The following ARID1B variants were observed in gnomAD, a reference collection of about 807,000 sequenced individuals.
ARID1B encodes the protein AT-rich interaction domain 1B.
A neutral mutation model predicts 212.3 loss-of-function variants in ARID1B; 30 were observed. That is an observed-to-expected ratio of 0.14 (90% CI 0.11 to 0.19). The LOEUF (loss-of-function observed/expected upper bound fraction) is 0.19, where lower values mean the gene tolerates loss of function less well. Among genes scored for constraint, ARID1B ranks in the 10% least tolerant of loss-of-function variants. The pLI is 1.00. For missense variants in ARID1B, 2,891 were observed against 3,204.0 expected (o/e 0.90, Z 2.36); for synonymous variants, 1,402 against 1,301.7 (o/e 1.08, Z -1.66).
chr6:157,175,950 G>A (rs894609530), intron 11 of ARID1B: 11 of 152,074 alleles, frequency 7.2e-5, no homozygotes, highest in Admixed American at 1.3e-4. Context: ...TGACGAGCAC[G>A]GCTCAGGAAG....
chr6:157,200,759 G>C lies in ARID1B; in HGVS notation c.4534G>C (p.Gly1512Arg). The change falls in exon 18 of 20, where the codon GGC (glycine) becomes CGC (arginine). Residue 1512 changes from glycine to arginine, a missense_variant. Around this residue, in one of 7 missense-constraint regions of ARID1B, gnomAD observed 666 missense variants for 873.5 expected, o/e 0.76. Coordinates refer to ENST00000636930, the MANE Select transcript of ARID1B (RefSeq NM_001374828.1). The surrounding 1 kb of genome is among the most constrained non-coding windows in gnomAD (Gnocchi z 4.3). ...MYGPPAKRHE[G>R]DMYNMQYSSQ... Reference sequence around the variant, plus strand: ...CGGGCCCCCAGCCAAGCGCCACGAGGGCGACATGTACAACATGCAGTACAG... The same window carrying C: ...CGGGCCCCCAGCCAAGCGCCACGAGCGCGACATGTACAACATGCAGTACAG... 6.2e-7 allele frequency: 1 copy of C among 1,613,814 alleles called. No individual in the cohort carries two copies. Among genetic ancestry groups the C allele is most frequent in the Non-Finnish European group, 8.5e-7 (1 of 1,179,952 alleles).
intron 2 of ARID1B, among the ~76,000 whole-genome samples, chr6:156,888,823 T>C (rs769724058): frequency 2.4e-4 from 36 of 152,208 alleles, no homozygotes; most frequent in Admixed American, 1.1e-3. Context: ...TTCACAGGAA[T>C]AGAGTTTTAC....
At chr6:157,058,282 T>TC (rs1378953642) in intron 4 of ARID1B, among the ~76,000 whole-genome samples, 2 of 150,458 alleles carry the variant, frequency 1.3e-5, no homozygotes, top group Non-Finnish European at 3.0e-5. Context: ...TTTTTTTTTT[T>TC]GAGACGAAGT....
At chr6:156,881,362 T>G (rs1262796238) in intron 2 of ARID1B, among the ~76,000 whole-genome samples, 1 of 152,208 alleles carries the variant, frequency 6.6e-6, no homozygotes, top group Non-Finnish European at 1.5e-5. Context: ...TTTGAAGAAA[T>G]TGCATAATTT....
chr6:157,206,024 A>AT lies in ARID1B; in HGVS notation c.5395-142dup. ...GGACCTGAAGGGTAGTTTATCTTTC[A>AT]TGGTCCAGCCAAAAAGGGAGACAAA... is the stretch of plus-strand genomic sequence containing the variant. On this transcript the variant is annotated intron_variant, in intron 19 of 19. Transcript: ENST00000636930. This position sits in a 1 kb window ranked among gnomAD's most constrained non-coding sequence, Gnocchi z 6.8. 1.1e-6 allele frequency: 1 copy of AT among 934,742 alleles called. No homozygotes were observed. Among genetic ancestry groups the AT allele is most frequent in the Non-Finnish European group, 1.6e-6 (1 of 617,092 alleles). 57.9% of individuals were successfully genotyped at this position (934,742 alleles called of 1,614,324 possible). A position where few individuals can be genotyped will look rare whatever the true frequency, so the allele number is the denominator to read the frequency against.
chr6:156,907,299 A>AT (rs1310329488), intron 3 of ARID1B, among the ~76,000 whole-genome samples: 8 of 151,720 alleles, frequency 5.3e-5, no homozygotes, highest in African/African-American at 1.9e-4. Context: ...TTGCGAAGAG[A>AT]TTTTTTCATG....
At chr6:157,011,903 T>G (rs1324672897) in intron 4 of ARID1B, among the ~76,000 whole-genome samples, 1 of 152,084 alleles carries the variant, frequency 6.6e-6, no homozygotes, top group Non-Finnish European at 1.5e-5. Flanking sequence ...AATCTATGCC[T>G]AGACCGAAGC....
At chr6:157,074,111 T>G (rs1784161041) in intron 4 of ARID1B, among the ~76,000 whole-genome samples, 1 of 152,162 alleles carries the variant, frequency 6.6e-6, no homozygotes, top group Non-Finnish European at 1.5e-5. Flanking sequence ...AAAAGAAAAC[T>G]TGAACATTGA....
At chr6:156,854,367 G>A (rs1364718944) in intron 2 of ARID1B, among the ~76,000 whole-genome samples, 1 of 152,160 alleles carries the variant, frequency 6.6e-6, no homozygotes, top group Non-Finnish European at 1.5e-5. Context: ...ACTTTCTGTG[G>A]AATTCAGAAA....
chr6:157,173,749 A>G (rs991824585), intron 9 of ARID1B: 12 of 317,140 alleles, frequency 3.8e-5, no homozygotes, highest in Admixed American at 9.5e-5. Flanking sequence ...TAATATTGAT[A>G]TAAGTTGACC....
intron 9 of ARID1B, among the ~76,000 whole-genome samples, chr6:157,170,541 T>A (rs928542116): frequency 2.6e-5 from 4 of 152,216 alleles, no homozygotes; most frequent in Non-Finnish European, 5.9e-5. Context: ...TTTTGATAAG[T>A]TATGAAAACC....
At chr6:157,188,633 C>T (rs1011279351) in intron 13 of ARID1B, among the ~76,000 whole-genome samples, 2 of 152,120 alleles carry the variant, frequency 1.3e-5, no homozygotes, top group Non-Finnish European at 2.9e-5. Context: ...GGGTTCTGCA[C>T]GTTTTTATCA....
intron 2 of ARID1B, among the ~76,000 whole-genome samples, chr6:156,896,914 G>T (rs561915124): frequency 1.3e-5 from 2 of 152,142 alleles, no homozygotes; most frequent in African/African-American, 4.8e-5. Flanking sequence ...GAAGGAAAAA[G>T]GGGGAGAGGG....
intron 11 of ARID1B, chr6:157,175,412 C>T (rs1195578875): frequency 6.6e-6 from 1 of 152,180 alleles, no homozygotes; most frequent in African/African-American, 2.4e-5. Context: ...AAGTTTGGCC[C>T]CTGACCTGTA....
chr6:157,156,854 T>G (rs113626371), intron 8 of ARID1B, among the ~76,000 whole-genome samples: 14 of 152,256 alleles, frequency 9.2e-5, no homozygotes, highest in African/African-American at 3.4e-4. Context: ...GCTTCCTCCT[T>G]ATGCAGTCTT....
chr6:157,015,441 G>A (rs1234652701), intron 4 of ARID1B, among the ~76,000 whole-genome samples: 2 of 152,210 alleles, frequency 1.3e-5, no homozygotes, highest in African/African-American at 4.8e-5. Context: ...CCTGGAGCTT[G>A]GGTGGAGGAA....
At chr6:156,932,868 C>T (rs1791862134) in intron 3 of ARID1B, among the ~76,000 whole-genome samples, 1 of 152,168 alleles carries the variant, frequency 6.6e-6, no homozygotes. Flanking sequence ...GTTTCCTTTT[C>T]AATAGTTCTC....
intron 3 of ARID1B, among the ~76,000 whole-genome samples, chr6:156,916,887 G>A (rs1790400486): frequency 6.6e-6 from 1 of 152,154 alleles, no homozygotes; most frequent in Non-Finnish European, 1.5e-5. Context: ...TGTGTGTTAA[G>A]TGTCAAGGCC....
intron 5 of ARID1B, among the ~76,000 whole-genome samples, chr6:157,092,622 C>T (rs1440441710): frequency 6.6e-6 from 1 of 152,194 alleles, no homozygotes; most frequent in Non-Finnish European, 1.5e-5. Context: ...GCCTTTTCTC[C>T]TCTTCTTTCT....
Sources: gnomAD v4.1 joint callset for allele counts (sites outside exome capture counted in the v4.1 genomes callset) on GRCh38, gnomAD v4.1.1 for gene constraint, gnomAD v4.1.1 regional missense constraint, Gnocchi (gnomAD v3.1) non-coding constraint, MANE v1.5 for transcripts, NCBI Gene and HGNC (gene_info 2026-07-23, HGNC 2026-07-21) for gene names.